The following EP300 variants were observed in gnomAD, a reference collection of about 807,000 sequenced individuals.
The protein encoded by EP300 is EP300 lysine acetyltransferase, also known as histone acetyltransferase p300.
EP300 carries 31 observed loss-of-function variants against 264.0 expected under a neutral mutation model. That is an observed-to-expected ratio of 0.12 (90% confidence interval 0.09 to 0.16). EP300 has a LOEUF of 0.16. Among genes scored for constraint, EP300 ranks in the 10% least tolerant of loss-of-function variants. The pLI, the probability that EP300 is intolerant of heterozygous loss-of-function variation, is 1.00. For missense variants in EP300, 2,766 were observed against 3,052.9 expected (o/e 0.91, Z 2.21); for synonymous variants, 1,340 against 1,045.4 (o/e 1.28, Z -5.44).
At chr22:41,167,809 T>G (rs13055872) in intron 23 of EP300, among the ~76,000 whole-genome samples, 1 of 59,540 alleles carries the variant, frequency 1.7e-5, no homozygotes, top group Non-Finnish European at 3.2e-5. Context: ...TTTCTGTTTG[T>G]TTTTGTTTTT....
At chr22:41,166,412 CTTGA>C (rs748548152) in intron 22 of EP300, among the ~76,000 whole-genome samples, 183 bp from the exon 23 acceptor site, 3 of 152,112 alleles carry the variant, frequency 2.0e-5, no homozygotes, top group South Asian at 2.1e-4. Flanking sequence ...ATGTCTGTTG[CTTGA>C]TTTTCAATTA....
chr22:41,117,494 C>A lies in EP300; in HGVS notation c.402C>A (p.Pro134=). ...SPMTQAGLTS[P]NMGMGTSGPN... The stretch of plus-strand genomic sequence containing the variant: ...TGACACAGGCAGGCTTGACTTCTCC[C>A]AACATGGGGATGGGCACTAGTGGAC... The change falls in exon 2 of 31, where the codon CCC becomes CCA. Residue 134 remains proline, a synonymous_variant. Coordinates refer to ENST00000263253, the MANE Select transcript of EP300 (RefSeq NM_001429.4). The A allele has an allele frequency of 1.2e-6, 2 of 1,613,592 alleles. No homozygotes were observed. Among genetic ancestry groups the A allele is most frequent in the Non-Finnish European group, 1.7e-6 (2 of 1,179,506 alleles).
intron 19 of EP300, 167 bp from the exon 20 acceptor site, chr22:41,160,475 G>T: frequency 3.3e-6 from 2 of 600,376 alleles, no homozygotes; most frequent in South Asian, 2.0e-5. Flanking sequence ...AACCCAAACT[G>T]TGGGGCCCAT....
chr22:41,168,657 T>A (rs1203113999), intron 24 of EP300, 58 bp downstream of exon 24: 2 of 1,614,222 alleles, frequency 1.2e-6, no homozygotes, highest in African/African-American at 1.3e-5. Flanking sequence ...CATACATGGT[T>A]ACTATTGGTG....
intron 16 of EP300, among the ~76,000 whole-genome samples, chr22:41,154,658 TA>T (rs2059066684): frequency 6.6e-6 from 1 of 152,110 alleles, no homozygotes; most frequent in Non-Finnish European, 1.5e-5. Context: ...CATGGACTCT[TA>T]TTTGGCAAAG....
At chr22:41,110,027 T>C (rs2058780161) in intron 1 of EP300, among the ~76,000 whole-genome samples, 2 of 151,280 alleles carry the variant, frequency 1.3e-5, no homozygotes. Context: ...TTGGCCAGGC[T>C]CGAACTCTTG....
intron 1 of EP300, 115 bp downstream of exon 1, chr22:41,093,213 A>C: frequency 1.9e-6 from 2 of 1,070,634 alleles, no homozygotes; most frequent in Non-Finnish European, 2.8e-6. Context: ...CCCCTTAATT[A>C]ATTTTAAAGG....
intron 20 of EP300, among the ~76,000 whole-genome samples, chr22:41,161,025 A>G (rs769205758): frequency 7.2e-5 from 11 of 152,234 alleles, no homozygotes; most frequent in South Asian, 2.1e-4. Context: ...GCAATGGGCA[A>G]TCATCTTAGT....
At chr22:41,115,467 C>G (rs747214205) in intron 1 of EP300, among the ~76,000 whole-genome samples, 1 of 152,208 alleles carries the variant, frequency 6.6e-6, no homozygotes, top group Admixed American at 6.5e-5. Context: ...GGATCTTGCT[C>G]TGTCACCCAG....
intron 17 of EP300, among the ~76,000 whole-genome samples, chr22:41,156,377 A>G (rs1448502467): frequency 6.6e-6 from 1 of 152,086 alleles, no homozygotes; most frequent in Non-Finnish European, 1.5e-5. Flanking sequence ...CTTTGTTTTT[A>G]AAGTTGCCTC....
At chr22:41,147,388 T>C in intron 11 of EP300, among the ~76,000 whole-genome samples, 1 of 151,998 alleles carries the variant, frequency 6.6e-6, no homozygotes, top group East Asian at 1.9e-4. Context: ...TTACTGCTAC[T>C]GTGAATGAGA....
chr22:41,168,784 T>C lies in EP300; in HGVS notation c.4089T>C (p.Phe1363=), dbSNP rs2145763556. ...ACCGAACCAAAGCCCTCTTTGCCTTTGAAGAAATTGATGGTGTTGACCTGT... is the reference window on the plus strand; with the variant it reads ...ACCGAACCAAAGCCCTCTTTGCCTTCGAAGAAATTGATGGTGTTGACCTGT... The part of the protein sequence containing the change: ...FPYRTKALFA[F]EEIDGVDLCF... Residue 1363 remains phenylalanine, a synonymous_variant, in exon 25 of 31, where the codon TTT becomes TTC. Transcript: ENST00000263253. The C allele has an allele frequency of 6.2e-7, 1 of 1,614,180 alleles. No homozygotes were observed. Among genetic ancestry groups the C allele is most frequent in the Non-Finnish European group, 8.5e-7 (1 of 1,180,032 alleles).
chr22:41,176,787 T>C lies in EP300; in HGVS notation c.5076T>C (p.Cys1692=), dbSNP rs766092268. 17 of 1,614,010 alleles carry C rather than the reference T, an allele frequency of 1.1e-5. No individual in the cohort carries two copies. In the African/African-American group the frequency reaches 1.9e-4, roughly 18 times the overall value. Reference sequence around the variant, plus strand: ...TTTTTCCCTAGGATTATGACTTGTGTATCACCTGCTATAACACTAAAAACC... The same window carrying C: ...TTTTTCCCTAGGATTATGACTTGTGCATCACCTGCTATAACACTAAAAACC... ...HCTVCEDYDL[C]ITCYNTKNHD... Residue 1692 remains cysteine (C), a synonymous_variant, in exon 31 of 31, where the codon TGT becomes TGC. Coordinates refer to ENST00000263253, the MANE Select transcript of EP300 (RefSeq NM_001429.4).
intron 23 of EP300, among the ~76,000 whole-genome samples, chr22:41,167,635 T>C (rs1392021966): frequency 6.5e-5 from 7 of 108,050 alleles, no homozygotes; most frequent in African/African-American, 2.8e-4. Flanking sequence ...TATATATATA[T>C]AATGTTTGGT....
intron 1 of EP300, among the ~76,000 whole-genome samples, chr22:41,098,211 G>A (rs1211465356): frequency 3.3e-5 from 5 of 151,838 alleles, no homozygotes; most frequent in Non-Finnish European, 5.9e-5. Flanking sequence ...CTTAATAGAC[G>A]GTAGTTTCAT....
At chr22:41,095,232 A>ATTTTTTTTTTTTTTTTT (rs66515117) in intron 1 of EP300, among the ~76,000 whole-genome samples, 1 of 80,264 alleles carries the variant, frequency 1.2e-5, no homozygotes. Context: ...TACCATTGTA[A>ATTTTTTTTTTTTTTTTT]TTTTTTTTTT....
At chr22:41,173,809 G>A in intron 29 of EP300, 25 bp downstream of exon 29, 1 of 1,613,576 alleles carries the variant, frequency 6.2e-7, no homozygotes, top group Non-Finnish European at 8.5e-7. Flanking sequence ...CCCAGAGTTG[G>A]GGAAAAACGG....
chr22:41,149,332 G>C (rs2059029782), intron 13 of EP300, among the ~76,000 whole-genome samples, 157 bp downstream of exon 13: 1 of 151,216 alleles, frequency 6.6e-6, no homozygotes, highest in Non-Finnish European at 1.5e-5. Flanking sequence ...AACATGAAGA[G>C]ATTATTCTGT....
At chr22:41,137,921 T>G (rs1226554565) in intron 8 of EP300, 131 bp downstream of exon 8, 1 of 1,240,934 alleles carries the variant, frequency 8.1e-7, no homozygotes, top group African/African-American at 1.5e-5. Context: ...TGTTGATACT[T>G]CTACTCTTGT....
Sources: allele counts gnomAD v4.1 joint callset (sites outside exome capture counted in the v4.1 genomes callset), GRCh38; gene constraint gnomAD v4.1.1; transcripts MANE v1.5; gene names NCBI Gene and HGNC (gene_info 2026-07-23, HGNC 2026-07-21).